RHBDD1: variants seen among roughly 807,000 people sequenced by gnomAD.
RHBDD1 encodes rhomboid domain containing 1.
A neutral mutation model predicts 36.3 loss-of-function variants in RHBDD1; 38 were observed. The ratio of observed to expected loss-of-function variants is 1.05; its 90% confidence interval spans 0.81 to 1.37. RHBDD1 has a LOEUF of 1.37. RHBDD1 is among the 40% of genes most tolerant of loss of function. RHBDD1 has a pLI of 0.00. For synonymous variants in RHBDD1, 151 were observed against 136.5 expected (o/e 1.11, Z -0.74); for missense variants, 393 against 377.6 (o/e 1.04, Z -0.34).
Position 226,892,793 on chromosome 2 carries a change from G to A in RHBDD1, c.567-14000G>A, listed in dbSNP as rs74366673. On this transcript the variant is annotated intron_variant, in intron 5 of 8. Coordinates refer to ENST00000392062, the MANE Select transcript of RHBDD1 (RefSeq NM_001167608.3). ...GATCAATGCATCTCAACCTGAACAC[G>A]TTGGAATTTCCTGGGGAATTAAAAA... is the stretch of plus-strand genomic sequence containing the variant. 6.7e-3 allele frequency among the ~76,000 whole-genome samples: 1,020 copies of A among 152,100 alleles called. 10 individuals carry two copies. The highest frequency in any genetic ancestry group is 0.022 in the African/African-American group (898 of 41,488).
chr2:226,936,268 A>T lies in RHBDD1; in HGVS notation c.856+21917A>T, dbSNP rs79182146. Among the ~76,000 whole-genome samples the T allele has an allele frequency of 2.6e-3, 399 of 152,272 alleles. 2 individuals are homozygous for T. Among genetic ancestry groups the T allele is most frequent in the Non-Finnish European group, 4.0e-3 (270 of 68,010 alleles). On this transcript the variant is annotated intron_variant, in intron 8 of 8. Coordinates refer to ENST00000392062, the MANE Select transcript of RHBDD1 (RefSeq NM_001167608.3). Reference sequence around the variant, plus strand: ...AAATTTTACAACAGATTGTGCTTATATCTAGATTGTGGTTATATCTACATT... The same window carrying T: ...AAATTTTACAACAGATTGTGCTTATTTCTAGATTGTGGTTATATCTACATT...
chr2:226,965,959 TAGAC>T (rs998584120), intron 8 of RHBDD1, among the ~76,000 whole-genome samples: 9 of 151,438 alleles, frequency 5.9e-5, no homozygotes, highest in African/African-American at 1.7e-4. Flanking sequence ...CTGATGAACA[TAGAC>T]AGAAAAATCC....
At chr2:226,871,317 C>T (rs1412448929) in intron 5 of RHBDD1, among the ~76,000 whole-genome samples, 3 of 151,998 alleles carry the variant, frequency 2.0e-5, no homozygotes, top group Non-Finnish European at 4.4e-5. Flanking sequence ...AACATAATAA[C>T]TTCACCCCTA....
intron 3 of RHBDD1, among the ~76,000 whole-genome samples, chr2:226,847,364 T>C (rs1942332513): frequency 6.6e-6 from 1 of 152,250 alleles, no homozygotes; most frequent in African/African-American, 2.4e-5. Flanking sequence ...ACTTTTTATC[T>C]TTCAAAGCCT....
intron 3 of RHBDD1, among the ~76,000 whole-genome samples, chr2:226,858,235 C>A (rs1339572694): frequency 6.6e-6 from 1 of 152,076 alleles, no homozygotes; most frequent in East Asian, 1.9e-4. Context: ...ATGAAACTTA[C>A]CAAAGGCATG....
intron 8 of RHBDD1, among the ~76,000 whole-genome samples, chr2:226,967,456 C>T (rs1161969578): frequency 2.6e-5 from 4 of 151,930 alleles, no homozygotes; most frequent in Non-Finnish European, 4.4e-5. Flanking sequence ...CATATGTATA[C>T]ATGTGCCATG....
Position 226,914,370 on chromosome 2 carries a change from T to G in RHBDD1, c.856+19T>G. On this transcript the variant is annotated intron_variant, in intron 8 of 8. Coordinates refer to ENST00000392062, the MANE Select transcript of RHBDD1 (RefSeq NM_001167608.3). ...GACCGAGGTAGGAGTCTTGCGCCCTTCAGTTATTTTAAAGCATACCTCATG... is the reference window on the plus strand; with the variant it reads ...GACCGAGGTAGGAGTCTTGCGCCCTGCAGTTATTTTAAAGCATACCTCATG... 6.2e-7 allele frequency: 1 copy of G among 1,605,364 alleles called. No homozygotes were observed. Among genetic ancestry groups the G allele is most frequent in the Non-Finnish European group, 8.5e-7 (1 of 1,176,104 alleles).
At chr2:226,846,757 A>AAAAAAAAAGG (rs1462698010) in intron 3 of RHBDD1, among the ~76,000 whole-genome samples, 2 of 152,106 alleles carry the variant, frequency 1.3e-5, no homozygotes, top group Non-Finnish European at 2.9e-5. Context: ...CAAAAAAAAA[A>AAAAAAAAAGG]AAAAAAAAGG....
chr2:226,841,066 G>A (rs1019817), intron 3 of RHBDD1, among the ~76,000 whole-genome samples: 28,324 of 151,918 alleles, frequency 0.19, 4,301 homozygotes, highest in African/African-American at 0.42. Flanking sequence ...CCATGTAGTC[G>A]CCCTCATCCT....
intron 8 of RHBDD1, among the ~76,000 whole-genome samples, chr2:226,917,004 C>G (rs1324318932): frequency 1.3e-5 from 2 of 152,080 alleles, no homozygotes; most frequent in African/African-American, 4.8e-5. Context: ...ATTTTATAGA[C>G]TTGAATCTAG....
At chr2:226,834,647 A>G (rs1940827153), upstream of RHBDD1, among the ~76,000 whole-genome samples, 3 of 152,244 alleles carry the variant, frequency 2.0e-5, no homozygotes, top group Admixed American at 2.0e-4. Flanking sequence ...TTGTTTTAGC[A>G]GACTATCTAA....
chr2:226,946,317 A>AT (rs999482557), intron 8 of RHBDD1, among the ~76,000 whole-genome samples: 6 of 151,474 alleles, frequency 4.0e-5, no homozygotes, highest in East Asian at 1.9e-4. Flanking sequence ...TCTTGAGTTA[A>AT]TTTTTTTTGT....
chr2:226,964,196 A>C (rs1952443973), intron 8 of RHBDD1, among the ~76,000 whole-genome samples: 1 of 152,086 alleles, frequency 6.6e-6, no homozygotes, highest in African/African-American at 2.4e-5. Context: ...ATTTACATTC[A>C]TATTGTCCTC....
chr2:226,831,420 G>C (rs1299672460), upstream of RHBDD1, among the ~76,000 whole-genome samples: 1 of 152,186 alleles, frequency 6.6e-6, no homozygotes, highest in South Asian at 2.1e-4. Flanking sequence ...ATTAAGATGA[G>C]GTCACACTGG....
intron 5 of RHBDD1, among the ~76,000 whole-genome samples, chr2:226,871,700 G>A (rs926265329): frequency 2.6e-5 from 4 of 151,970 alleles, no homozygotes; most frequent in African/African-American, 9.7e-5. Context: ...CCCTCTATCC[G>A]TTGCATTTCT....
At chr2:226,956,394 G>A (rs1951795229) in intron 8 of RHBDD1, among the ~76,000 whole-genome samples, 1 of 152,174 alleles carries the variant, frequency 6.6e-6, no homozygotes, top group Admixed American at 6.5e-5. Flanking sequence ...AGCTGCAGGA[G>A]TAGGTTCCAT....
chr2:226,966,841 T>TC (rs1952672223), intron 8 of RHBDD1, among the ~76,000 whole-genome samples: 1 of 152,028 alleles, frequency 6.6e-6, no homozygotes, highest in South Asian at 2.1e-4. Context: ...TTTTTAATTT[T>TC]TTTTTTTTTT....
upstream of RHBDD1, among the ~76,000 whole-genome samples, chr2:226,834,755 A>G (rs779619156): frequency 5.3e-5 from 8 of 152,150 alleles, no homozygotes; most frequent in Non-Finnish European, 1.0e-4. Flanking sequence ...TCTTTACCCT[A>G]GCTATCAGAA....
chr2:226,802,494 A>C, the RHBDD1 span, among the ~76,000 whole-genome samples: 1 of 152,232 alleles, frequency 6.6e-6, no homozygotes, highest in Admixed American at 6.5e-5. Context: ...CATTTGGTTC[A>C]TGTAATATAT....
Sources: allele counts gnomAD v4.1 joint callset (sites outside exome capture counted in the v4.1 genomes callset), GRCh38; gene constraint gnomAD v4.1.1; transcripts MANE v1.5; gene names NCBI Gene and HGNC (gene_info 2026-07-23, HGNC 2026-07-21).